RFWD3: variants seen among roughly 807,000 people sequenced by gnomAD.
RFWD3 encodes the protein E3 ubiquitin-protein ligase RFWD3.
In RFWD3, 65 loss-of-function variants were observed where a neutral mutation model predicts 87.7. The observed-to-expected ratio is 0.74, with a 90% confidence interval of 0.61 to 0.91. The LOEUF is 0.91. RFWD3 is among the 40% of genes least tolerant of loss of function. The pLI, the probability that RFWD3 is intolerant of heterozygous loss-of-function variation, is 0.00. For synonymous variants in RFWD3, 433 were observed against 352.8 expected (o/e 1.23, Z -2.55); for missense variants, 1,078 against 938.5 (o/e 1.15, Z -1.94).
At chr16:74,624,158 G>A in intron 12 of RFWD3, 87 bp from the exon 13 acceptor site, 2 of 1,463,804 alleles carry the variant, frequency 1.4e-6, no homozygotes, top group Non-Finnish European at 1.8e-6. Flanking sequence ...AGTCTGAAAG[G>A]CTGCAGAGAG....
rs148738112 is a variant in RFWD3 at position 74,638,280 on chromosome 16, G to C, written c.1080-310C>G. Among the ~76,000 whole-genome samples, 118 of 152,210 alleles carry C rather than the reference G, an allele frequency of 7.8e-4. 1 individual carries two copies. Among genetic ancestry groups the C allele is most frequent in the Admixed American group, 6.2e-3 (95 of 15,274 alleles). On this transcript the variant is annotated intron_variant, in intron 6 of 12. Coordinates refer to ENST00000361070, the MANE Select transcript of RFWD3 (RefSeq NM_018124.4). ...AAAGATTAAACTGACATGTTAAAAG[G>C]CCAAGGTTACTGGATTAAAAAGGAA... is the stretch of plus-strand genomic sequence containing the variant.
chr16:74,630,700 C>T lies in RFWD3; in HGVS notation c.1754+81G>A, dbSNP rs980624080. 4.9e-6 allele frequency: 6 copies of T among 1,233,476 alleles called. No individual in the cohort carries two copies. In the African/African-American group the frequency reaches 7.8e-5, roughly 16 times the overall value. The allele number at this position is 1,233,476 out of a possible 1,614,324, so 76.4% of individuals were successfully genotyped here. On this transcript the variant is annotated intron_variant, in intron 10 of 12. Coordinates refer to ENST00000361070, the MANE Select transcript of RFWD3 (RefSeq NM_018124.4). Reference sequence around the variant, plus strand: ...TGAGGATTTCTGACTAACTGTGGAACACCCACTGAAGAGACGATTAACACA... The same window carrying T: ...TGAGGATTTCTGACTAACTGTGGAATACCCACTGAAGAGACGATTAACACA...
At chr16:74,652,734 G>A (rs1960659927) in intron 2 of RFWD3, among the ~76,000 whole-genome samples, 2 of 152,162 alleles carry the variant, frequency 1.3e-5, no homozygotes. Context: ...TATCTTGGCT[G>A]GCTGAGTTTA....
chr16:74,665,952 C>T (rs1401686967), intron 1 of RFWD3, among the ~76,000 whole-genome samples: 1 of 152,064 alleles, frequency 6.6e-6, no homozygotes, highest in Non-Finnish European at 1.5e-5. Flanking sequence ...ACTGCCTCGG[C>T]CTCCCAAAGT....
intron 11 of RFWD3, among the ~76,000 whole-genome samples, chr16:74,627,093 G>C (rs1458848352): frequency 1.3e-5 from 2 of 152,212 alleles, no homozygotes; most frequent in Non-Finnish European, 2.9e-5. Flanking sequence ...CTTGGAGACA[G>C]CCGAGCTGTG....
chr16:74,656,328 A>AG (rs1233397137), intron 2 of RFWD3, among the ~76,000 whole-genome samples: 1 of 151,132 alleles, frequency 6.6e-6, no homozygotes, highest in East Asian at 1.9e-4. Context: ...AAAAAAAAAA[A>AG]AAAGAAAAGA....
intron 7 of RFWD3, among the ~76,000 whole-genome samples, chr16:74,637,207 G>C (rs1959226573): frequency 6.6e-6 from 1 of 150,712 alleles, no homozygotes; most frequent in South Asian, 2.1e-4. Context: ...GAGTGCAGTA[G>C]TGCGATCACA....
intron 9 of RFWD3, among the ~76,000 whole-genome samples, 168 bp downstream of exon 9, chr16:74,632,355 G>A (rs1252050127): frequency 1.3e-5 from 2 of 151,988 alleles, no homozygotes; most frequent in Non-Finnish European, 2.9e-5. Flanking sequence ...TCCCACCAGT[G>A]CACTCCAGCC....
chr16:74,662,910 T>C (rs932078284), intron 1 of RFWD3, among the ~76,000 whole-genome samples: 5 of 150,636 alleles, frequency 3.3e-5, no homozygotes, highest in Non-Finnish European at 7.4e-5. Flanking sequence ...CATGCTTCTT[T>C]TTTTTTTTTT....
At chr16:74,645,811 G>C (rs970514478) in intron 4 of RFWD3, among the ~76,000 whole-genome samples, 1 of 145,214 alleles carries the variant, frequency 6.9e-6, no homozygotes, top group African/African-American at 2.5e-5. Context: ...GGAGTGTAGC[G>C]GCAGAATCTC....
At chr16:74,632,743 A>T (rs1959140844) in intron 8 of RFWD3, 70 bp from the exon 9 acceptor site, 1 of 1,428,612 alleles carries the variant, frequency 7.0e-7, no homozygotes. Context: ...CTAGTTTTTC[A>T]AGTAGCTCCT....
At chr16:74,660,287 A>C (rs1460474209) in intron 2 of RFWD3, among the ~76,000 whole-genome samples, 1 of 152,108 alleles carries the variant, frequency 6.6e-6, no homozygotes, top group Non-Finnish European at 1.5e-5. Flanking sequence ...AACAAAACCA[A>C]AAACAGACAG....
chr16:74,632,273 T>A (rs184113825), intron 9 of RFWD3, among the ~76,000 whole-genome samples: 2 of 152,110 alleles, frequency 1.3e-5, no homozygotes, highest in Non-Finnish European at 2.9e-5. Flanking sequence ...GCGCCTGTAG[T>A]CCTAGCTACT....
Position 74,644,287 on chromosome 16 carries a change from C to G in RFWD3, c.1079+75G>C, listed in dbSNP as rs577908121. On this transcript the variant is annotated intron_variant, in intron 6 of 12. Transcript: ENST00000361070. ...AAGTAAAACCTCACTACGAGTGACT[C>G]ATAACTTCTTTTTCAGATGTGCCTA... is the stretch of plus-strand genomic sequence containing the variant. The G allele has an allele frequency of 1.3e-4, 192 of 1,428,792 alleles. 1 individual carries two copies. Among genetic ancestry groups the G allele is most frequent in the Admixed American group, 7.9e-4 (47 of 59,760 alleles). 88.5% of individuals were successfully genotyped at this position (1,428,792 alleles called of 1,614,324 possible). A position where few individuals can be genotyped will look rare whatever the true frequency, so the allele number is the denominator to read the frequency against.
In RFWD3 at chr16:74,644,368, A is replaced by T; in HGVS notation, c.1073T>A (p.Met358Lys). Residue 358 changes from methionine (M) to lysine (K), a missense_variant, in exon 6 of 13, where the codon ATG becomes AAG. By Grantham distance (95) the Met-to-Lys change is moderately conservative. Coordinates refer to ENST00000361070, the MANE Select transcript of RFWD3 (RefSeq NM_018124.4). The stretch of plus-strand genomic sequence containing the variant: ...GCATACTCTTACCACCTACCTTTTC[A>T]TGCGCTCCTGTTCACTAGTGTCCAA... ...RALDTSEQER[M>K]KSSLLKEQML... 6.2e-7 allele frequency: 1 copy of T among 1,614,016 alleles called. No individual in the cohort carries two copies. The highest frequency in any genetic ancestry group is 1.1e-5 in the South Asian group (1 of 91,068).
At chr16:74,663,893 G>A (rs1409859863) in intron 1 of RFWD3, among the ~76,000 whole-genome samples, 5 of 152,138 alleles carry the variant, frequency 3.3e-5, no homozygotes, top group African/African-American at 4.8e-5. Flanking sequence ...GAAAGATGGC[G>A]CTAAAAGAGA....
At chr16:74,637,787 A>AT (rs1959270029) in intron 7 of RFWD3, 69 bp downstream of exon 7, 1 of 1,124,230 alleles carries the variant, frequency 8.9e-7, no homozygotes, top group African/African-American at 1.5e-5. Flanking sequence ...TGAGATGAAC[A>AT]TAACTAACAT....
At chr16:74,634,087 ACTCT>A (rs1248728864) in intron 8 of RFWD3, among the ~76,000 whole-genome samples, 1 of 152,242 alleles carries the variant, frequency 6.6e-6, no homozygotes, top group Admixed American at 6.5e-5. Context: ...TATGTAGTTT[ACTCT>A]CTGTCAATTC....
chr16:74,633,195 T>G (rs1051000626), intron 8 of RFWD3, among the ~76,000 whole-genome samples: 1 of 150,518 alleles, frequency 6.6e-6, no homozygotes. Context: ...GAGAATCGCT[T>G]GAACCCAGGA....
Sources: allele counts gnomAD v4.1 joint callset (sites outside exome capture counted in the v4.1 genomes callset), GRCh38; gene constraint gnomAD v4.1.1; transcripts MANE v1.5; gene names NCBI Gene and HGNC (gene_info 2026-07-23, HGNC 2026-07-21).